The following EYA1 variants were observed in gnomAD, a reference collection of about 807,000 sequenced individuals.
EYA1 encodes the protein EYA transcriptional coactivator and phosphatase 1.
Under a neutral mutation model 82.0 loss-of-function variants are expected in EYA1, and 16 were observed. The ratio of observed to expected loss-of-function variants is 0.20; its 90% CI spans 0.13 to 0.30. EYA1 has a LOEUF of 0.30. Among genes scored for constraint, EYA1 ranks in the 10% least tolerant of loss-of-function variants. The probability of loss-of-function intolerance (pLI) is 1.00; values close to 1 mark genes in which losing one functional copy is unlikely to be tolerated. For synonymous variants in EYA1, 261 were observed against 264.4 expected (o/e 0.99, Z 0.12); for missense variants, 633 against 730.7 (o/e 0.87, Z 1.54).
intron 2 of EYA1, among the ~76,000 whole-genome samples, chr8:71,382,352 AG>A (rs1226414969): frequency 4.6e-5 from 7 of 152,158 alleles, no homozygotes; most frequent in Admixed American, 1.3e-4. Flanking sequence ...TTTGTGACAC[AG>A]AAAATATCTC....
At chr8:71,483,214 C>T (rs73302314) in intron 2 of EYA1, among the ~76,000 whole-genome samples, 13,103 of 152,254 alleles carry the variant, frequency 0.086, 1,371 homozygotes, top group East Asian at 0.47. Flanking sequence ...GGCCTCTGCC[C>T]TGGCTGTTGC....
intron 9 of EYA1, among the ~76,000 whole-genome samples, chr8:71,275,073 A>T (rs1273349379): frequency 6.6e-6 from 1 of 152,178 alleles, no homozygotes; most frequent in Non-Finnish European, 1.5e-5. Flanking sequence ...GCAGGTAAAG[A>T]ATTCAACAAC....
intron 1 of EYA1, among the ~76,000 whole-genome samples, chr8:71,537,267 T>C (rs1045516567): frequency 7.9e-5 from 12 of 152,224 alleles, no homozygotes; most frequent in African/African-American, 2.9e-4. Context: ...AACAATTTCA[T>C]AATGTCAAGT....
At chr8:71,483,404 C>T (rs1382277114) in intron 2 of EYA1, among the ~76,000 whole-genome samples, 1 of 152,038 alleles carries the variant, frequency 6.6e-6, no homozygotes, top group African/African-American at 2.4e-5. Flanking sequence ...TGAAACCAAT[C>T]ACAATCAGGT....
At chr8:71,285,533 T>C (rs1181160825) in intron 9 of EYA1, among the ~76,000 whole-genome samples, 1 of 152,162 alleles carries the variant, frequency 6.6e-6, no homozygotes, top group Non-Finnish European at 1.5e-5. Flanking sequence ...ATACATGAAA[T>C]AGCTGAACTG....
chr8:71,401,146 G>T (rs1829935785), intron 2 of EYA1, among the ~76,000 whole-genome samples: 1 of 152,140 alleles, frequency 6.6e-6, no homozygotes, highest in African/African-American at 2.4e-5. Context: ...GAGGGTGGTG[G>T]GAGGGAGGCA....
intron 2 of EYA1, among the ~76,000 whole-genome samples, chr8:71,487,762 A>G (rs1167445141): frequency 6.6e-6 from 1 of 152,214 alleles, no homozygotes; most frequent in Non-Finnish European, 1.5e-5. Context: ...ATTAAATCAC[A>G]ATGAAATATG....
chr8:71,217,683 GTTTT>G (rs201593037), intron 12 of EYA1, among the ~76,000 whole-genome samples: 2 of 151,120 alleles, frequency 1.3e-5, no homozygotes, highest in African/African-American at 4.9e-5. Flanking sequence ...TTGCTGTTTA[GTTTT>G]TTTTACATTT....
At chr8:71,346,537 C>T (rs533991928) in intron 3 of EYA1, among the ~76,000 whole-genome samples, 2 of 150,066 alleles carry the variant, frequency 1.3e-5, no homozygotes, top group East Asian at 4.1e-4. Context: ...TTACCATCTA[C>T]ACACTAACCC....
At chr8:71,294,797 A>T (rs536967477) in intron 9 of EYA1, among the ~76,000 whole-genome samples, 1 of 152,172 alleles carries the variant, frequency 6.6e-6, no homozygotes, top group East Asian at 1.9e-4. Context: ...GCTGAAGGAG[A>T]AGAAAAAAGT....
chr8:71,413,013 C>A (rs1830688166), intron 2 of EYA1, among the ~76,000 whole-genome samples: 1 of 152,100 alleles, frequency 6.6e-6, no homozygotes. Context: ...CAGAGTCAGG[C>A]TGAGAAAGCA....
At chr8:71,326,940 C>T (rs1823224990) in intron 4 of EYA1, among the ~76,000 whole-genome samples, 1 of 152,224 alleles carries the variant, frequency 6.6e-6, no homozygotes. Context: ...ACCCCAAGCC[C>T]TCCATTATCC....
intron 11 of EYA1, among the ~76,000 whole-genome samples, chr8:71,256,215 C>A (rs1814397095): frequency 6.6e-6 from 1 of 151,944 alleles, no homozygotes; most frequent in Non-Finnish European, 1.5e-5. Context: ...TGATTATATA[C>A]CCAAAAAATA....
At position 71,199,296 on chromosome 8, in the gene EYA1, C is replaced by T. The variant is rs1471479398; in HGVS notation, c.*44G>A. Reference sequence around the variant, plus strand: ...GAGACTGGGGCCTGCTGGATCTGTCCCTGGTCACAGAGCAGCTGTGCGCTG... The same window carrying T: ...GAGACTGGGGCCTGCTGGATCTGTCTCTGGTCACAGAGCAGCTGTGCGCTG... On this transcript the variant is annotated 3_prime_UTR_variant, in exon 18 of 18. Coordinates refer to ENST00000340726, the MANE Select transcript of EYA1 (RefSeq NM_000503.6). The T allele has an allele frequency of 7.0e-7, 1 of 1,420,716 alleles. No homozygotes were observed. Among genetic ancestry groups the T allele is most frequent in the Admixed American group, 1.7e-5 (1 of 57,656 alleles). The allele number at this position is 1,420,716 out of a possible 1,614,324, so 88.0% of individuals were successfully genotyped here. A position where few individuals can be genotyped will look rare whatever the true frequency, so the allele number is the denominator to read the frequency against.
intron 2 of EYA1, among the ~76,000 whole-genome samples, chr8:71,482,522 C>A (rs549023868): frequency 6.7e-4 from 102 of 152,308 alleles, no homozygotes; most frequent in Non-Finnish European, 1.2e-3. Flanking sequence ...TAAAACCCAG[C>A]AATTCCACTT....
chr8:71,377,993 C>T (rs1828472412), intron 2 of EYA1, among the ~76,000 whole-genome samples: 2 of 152,060 alleles, frequency 1.3e-5, no homozygotes, highest in African/African-American at 2.4e-5. Context: ...TTGTTCTTGA[C>T]CTACTGACTC....
At chr8:71,430,772 G>A (rs1805559722) in intron 2 of EYA1, among the ~76,000 whole-genome samples, 1 of 152,098 alleles carries the variant, frequency 6.6e-6, no homozygotes, top group South Asian at 2.1e-4. Flanking sequence ...TAAGAATGAA[G>A]TTGCTTTATG....
intron 11 of EYA1, among the ~76,000 whole-genome samples, chr8:71,244,977 T>A (rs1812902030): frequency 6.6e-6 from 1 of 152,158 alleles, no homozygotes; most frequent in African/African-American, 2.4e-5. Flanking sequence ...CTTAGACATA[T>A]AAAATAAAGG....
chr8:71,428,234 A>G (rs141720334), intron 2 of EYA1, among the ~76,000 whole-genome samples: 1 of 152,284 alleles, frequency 6.6e-6, no homozygotes, highest in African/African-American at 2.4e-5. Flanking sequence ...ATGGATAAGC[A>G]TGTTTTTTGG....
Sources: allele counts gnomAD v4.1 joint callset (sites outside exome capture counted in the v4.1 genomes callset), GRCh38; gene constraint gnomAD v4.1.1; transcripts MANE v1.5; gene names NCBI Gene and HGNC (gene_info 2026-07-23, HGNC 2026-07-21).